ABCA13: variants seen among roughly 807,000 people sequenced by gnomAD.
The protein encoded by ABCA13 is ATP-binding cassette sub-family A member 13.
In ABCA13, 476 loss-of-function variants were observed where a neutral mutation model predicts 478.7. That is an observed-to-expected ratio of 0.99 (90% CI 0.92 to 1.07). ABCA13 has a LOEUF of 1.07. ABCA13 is among the 50% of genes least tolerant of loss of function. ABCA13 has a pLI of 0.00. For synonymous variants in ABCA13, 2,252 were observed against 2,158.9 expected (o/e 1.04, Z -1.20); for missense variants, 6,060 against 5,910.6 (o/e 1.03, Z -0.83).
At chr7:48,352,526 G>T in intron 31 of ABCA13, 39 bp downstream of exon 31, 1 of 1,511,680 alleles carries the variant, frequency 6.6e-7, no homozygotes, top group Non-Finnish European at 8.9e-7. Context: ...CAGTGAGAAG[G>T]GCCTTGCATT....
chr7:48,626,936 TG>T, intron 59 of ABCA13: 1 of 985,366 alleles, frequency 1.0e-6, no homozygotes, highest in Non-Finnish European at 1.2e-6. Flanking sequence ...AACTTAAAGT[TG>T]GGGGTGATTA....
chr7:48,314,537 C>A, intron 26 of ABCA13, 128 bp downstream of exon 26: 1 of 865,402 alleles, frequency 1.2e-6, no homozygotes, highest in South Asian at 2.1e-5. Flanking sequence ...CTTCTGCTTC[C>A]ACCTCCCCAA....
chr7:48,521,208 C>A (rs369797959), intron 53 of ABCA13, among the ~76,000 whole-genome samples: 1 of 152,242 alleles, frequency 6.6e-6, no homozygotes, highest in African/African-American at 2.4e-5. Flanking sequence ...TGGCTTCCCC[C>A]CCATACCCAA....
rs187831864 is a variant in ABCA13, at chr7:48,213,456, T to C, written c.288-5898T>C. 3.3e-5 allele frequency among the ~76,000 whole-genome samples: 5 copies of C among 152,354 alleles called. No individual in the cohort carries two copies. In the East Asian group the frequency reaches 7.7e-4, roughly 23 times the overall value. ...ACACTTTATAGCTAAAAAATGCTCA[T>C]GATCATCTGAGCCTTCAGTGAGTCA... On this transcript the variant is annotated intron_variant, in intron 3 of 61. Transcript: ENST00000435803.
intron 1 of ABCA13, among the ~76,000 whole-genome samples, chr7:48,176,700 G>T (rs941092796): frequency 2.0e-5 from 3 of 152,092 alleles, no homozygotes; most frequent in African/African-American, 7.2e-5. Context: ...CCAAACCCAG[G>T]CTGAATCCCT....
chr7:48,251,105 T>C (rs1447901022), intron 15 of ABCA13, among the ~76,000 whole-genome samples: 1 of 152,222 alleles, frequency 6.6e-6, no homozygotes, highest in Admixed American at 6.5e-5. Context: ...CAGATTACAC[T>C]ATAAAACTCT....
At chr7:48,337,650 A>G (rs1806472665) in intron 28 of ABCA13, among the ~76,000 whole-genome samples, 1 of 152,230 alleles carries the variant, frequency 6.6e-6, no homozygotes, top group South Asian at 2.1e-4. Context: ...CCAGTCATTG[A>G]TCCTGAGGCA....
chr7:48,279,161 C>T lies in ABCA13; in HGVS notation c.7967C>T (p.Ala2656Val), dbSNP rs375861638. ...KMNLEDMRSL[A>V]VAFNNETQTF... ...AACTTGGAAGATATGAGGAGTCTTG[C>T]GGTAGCATTTAACAATGAGACTCAA... The change falls in exon 18 of 62, where the codon GCG becomes GTG. Residue 2656 changes from alanine (A) to valine (V), a missense_variant. Ala to Val is a moderately conservative substitution (Grantham distance 64). Coordinates refer to ENST00000435803, the MANE Select transcript of ABCA13 (RefSeq NM_152701.5). 2.6e-5 allele frequency: 42 copies of T among 1,603,026 alleles called. No homozygotes were observed. The South Asian group carries it at 3.1e-4, about 12-fold the overall frequency.
chr7:48,454,095 C>T (rs1047505088), intron 42 of ABCA13, among the ~76,000 whole-genome samples: 36 of 152,248 alleles, frequency 2.4e-4, no homozygotes, highest in African/African-American at 8.4e-4. Flanking sequence ...TACATCTGTT[C>T]TTTATAAGAC....
chr7:48,439,324 T>C (rs1421678008), intron 42 of ABCA13, among the ~76,000 whole-genome samples: 1 of 152,154 alleles, frequency 6.6e-6, no homozygotes, highest in East Asian at 1.9e-4. Context: ...CTGCTCTCAA[T>C]TCTGAGAAGT....
intron 51 of ABCA13, 136 bp downstream of exon 51, chr7:48,511,335 A>G (rs1436522066): frequency 2.4e-5 from 17 of 720,078 alleles, no homozygotes; most frequent in Middle Eastern, 3.3e-4. Context: ...TGCAAGGGAC[A>G]CGGAGCAAAC....
intron 27 of ABCA13, among the ~76,000 whole-genome samples, chr7:48,320,251 A>T (rs1480651632): frequency 1.3e-5 from 2 of 152,224 alleles, no homozygotes; most frequent in Non-Finnish European, 2.9e-5. Context: ...TGTTTGCTGC[A>T]GCAACAGGGA....
At chr7:48,287,437 G>A (rs1797920399) in intron 19 of ABCA13, among the ~76,000 whole-genome samples, 2 of 152,176 alleles carry the variant, frequency 1.3e-5, no homozygotes, top group South Asian at 4.1e-4. Flanking sequence ...AGAGACATTG[G>A]GAGGTCATGC....
intron 1 of ABCA13, among the ~76,000 whole-genome samples, chr7:48,182,741 C>T (rs1795857881): frequency 6.6e-6 from 1 of 152,182 alleles, no homozygotes; most frequent in South Asian, 2.1e-4. Flanking sequence ...TGCAAAAATT[C>T]ACTTGGGGAA....
intron 1 of ABCA13, among the ~76,000 whole-genome samples, chr7:48,182,508 C>T (rs895598205): frequency 6.6e-6 from 1 of 152,126 alleles, no homozygotes; most frequent in African/African-American, 2.4e-5. Context: ...CCTTGGAGTA[C>T]TTGAGTGGAG....
chr7:48,252,483 T>A (rs1467427319), intron 15 of ABCA13, among the ~76,000 whole-genome samples: 1 of 152,204 alleles, frequency 6.6e-6, no homozygotes, highest in Non-Finnish European at 1.5e-5. Context: ...GTTAGCCTAT[T>A]GTTCCTAGGC....
chr7:48,218,499 A>G (rs1786826794), intron 3 of ABCA13, among the ~76,000 whole-genome samples: 2 of 152,302 alleles, frequency 1.3e-5, no homozygotes, highest in South Asian at 2.1e-4. Context: ...CCTGGGCGAT[A>G]TAGCAAGATC....
At position 48,278,249 on chromosome 7, in the gene ABCA13, AT is replaced by A; in HGVS notation, c.7059del (p.Phe2353LeufsTer7). 6.2e-7 allele frequency: 1 copy of A among 1,610,918 alleles called. No homozygotes were observed. Among genetic ancestry groups the A allele is most frequent in the Non-Finnish European group, 8.5e-7 (1 of 1,177,998 alleles). On this transcript the variant is annotated frameshift_variant, in exon 18 of 62. Coordinates refer to ENST00000435803, the MANE Select transcript of ABCA13 (RefSeq NM_152701.5). LOFTEE classifies it high-confidence loss of function. ...TTTATATTAGACAATGGAGAATTTT[AT>A]TTTGATACTCATCAAGGACTGAAGT... ...SSFILDNGEFYFDTHQGLKFM... is the reference protein window; with the variant it reads ...SSFILDNGEFXFDTHQGLKFM...
At chr7:48,523,420 A>G (rs1832687102) in intron 53 of ABCA13, among the ~76,000 whole-genome samples, 1 of 152,060 alleles carries the variant, frequency 6.6e-6, no homozygotes, top group Admixed American at 6.6e-5. Context: ...TTGTAAAATT[A>G]TTATCGAACA....
Sources: gnomAD v4.1 joint callset for allele counts (sites outside exome capture counted in the v4.1 genomes callset) on GRCh38, gnomAD v4.1.1 for gene constraint, MANE v1.5 for transcripts, NCBI Gene and HGNC (gene_info 2026-07-23, HGNC 2026-07-21) for gene names.